Variants in LGR5 observed in about 807,000 individuals in gnomAD.
The protein encoded by LGR5 is leucine rich repeat containing G protein-coupled receptor 5, also known as leucine-rich repeat-containing G protein-coupled receptor 5.
A neutral mutation model predicts 76.7 loss-of-function variants in LGR5; 54 were observed. The observed-to-expected ratio is 0.70, with a 90% confidence interval of 0.57 to 0.88. LGR5 has a LOEUF of 0.88. Among genes scored for constraint, LGR5 ranks in the 40% least tolerant of loss-of-function variants. The probability of loss-of-function intolerance (pLI) is 0.00; values close to 1 mark genes in which losing one functional copy is unlikely to be tolerated. For synonymous variants in LGR5, 406 were observed against 421.9 expected, an observed-to-expected ratio of 0.96 and a Z score of 0.46; for missense variants, 1,078 against 1,073.3, an observed-to-expected ratio of 1.00 and a Z score of -0.06.
Position 71,580,348 on chromosome 12 carries a change from A to G in LGR5, c.1477A>G (p.Asn493Asp), listed in dbSNP as rs759497374. 1 of 1,613,966 alleles carries G rather than the reference A, an allele frequency of 6.2e-7. No homozygotes were observed. The highest frequency in any genetic ancestry group is 8.5e-7 in the Non-Finnish European group (1 of 1,179,838). ...GTGTGAGAATGCCTATAAGATTTCTAATCAATGGAATAAAGGTGACAACAG... is the reference window on the plus strand; with the variant it reads ...GTGTGAGAATGCCTATAAGATTTCTGATCAATGGAATAAAGGTGACAACAG... The part of the protein sequence containing the change: ...GVCENAYKIS[N>D]QWNKGDNSSM... The change falls in exon 16 of 18, where the codon AAT (asparagine) becomes GAT (aspartate). Residue 493 changes from asparagine to aspartate, a missense_variant. Physicochemically the swap from Asn to Asp is conservative, Grantham distance 23 (BLOSUM62 1). Transcript: ENST00000266674.
chr12:71,447,395 G>T (rs1592449768), intron 1 of LGR5, among the ~76,000 whole-genome samples: 1 of 152,146 alleles, frequency 6.6e-6, no homozygotes, highest in East Asian at 1.9e-4. Context: ...ATCATTTATT[G>T]TATTACAAAG....
chr12:71,486,917 T>C (rs1426334087), intron 1 of LGR5, among the ~76,000 whole-genome samples: 1 of 152,206 alleles, frequency 6.6e-6, no homozygotes, highest in Non-Finnish European at 1.5e-5. Flanking sequence ...GGCTCCTTTA[T>C]GAGGGCCACT....
intron 1 of LGR5, among the ~76,000 whole-genome samples, chr12:71,497,322 AAAAG>A (rs1475362696): frequency 1.3e-5 from 2 of 151,568 alleles, no homozygotes; most frequent in South Asian, 2.1e-4. Context: ...TTGAAAGAAG[AAAAG>A]AAAGAAAGAG....
chr12:71,568,384 T>C (rs560932833), intron 11 of LGR5, among the ~76,000 whole-genome samples: 160 of 152,240 alleles, frequency 1.1e-3, no homozygotes, highest in Non-Finnish European at 2.0e-3. Context: ...CTTCAGAGGG[T>C]TCTCATGAGG....
intron 4 of LGR5, among the ~76,000 whole-genome samples, chr12:71,546,271 G>A (rs1278975981): frequency 6.6e-6 from 1 of 151,304 alleles, no homozygotes; most frequent in Non-Finnish European, 1.5e-5. Flanking sequence ...GCCAAGATTG[G>A]ACCACTGCAC....
chr12:71,536,120 T>A (rs1285402089), intron 4 of LGR5, among the ~76,000 whole-genome samples: 1 of 152,190 alleles, frequency 6.6e-6, no homozygotes, highest in Non-Finnish European at 1.5e-5. Flanking sequence ...GATGCACATC[T>A]GCCAAACAAA....
chr12:71,493,757 T>G lies in LGR5; in HGVS notation c.213-10857T>G, dbSNP rs569828998. On this transcript the variant is annotated intron_variant, in intron 1 of 17. Coordinates refer to ENST00000266674, the MANE Select transcript of LGR5 (RefSeq NM_003667.4). ...AAGCTTTTCAGTTGTCTTATTTGAT[T>G]TTAGTAAATAAGCTTTTTTTTTTTT... Among the ~76,000 whole-genome samples the G allele has an allele frequency of 4.9e-4, 71 of 143,886 alleles. 1 individual carries two copies. Among genetic ancestry groups the G allele is most frequent in the Admixed American group, 1.4e-3 (19 of 13,878 alleles). 94.4% of individuals were successfully genotyped at this position (143,886 alleles called of 152,430 possible).
chr12:71,545,461 A>C (rs1877108497), intron 4 of LGR5, among the ~76,000 whole-genome samples: 1 of 152,178 alleles, frequency 6.6e-6, no homozygotes, highest in African/African-American at 2.4e-5. Context: ...CAAAAAAATA[A>C]ATAAATAAAA....
chr12:71,513,641 TA>T (rs141435331), intron 2 of LGR5, among the ~76,000 whole-genome samples: 7,446 of 152,274 alleles, frequency 0.049, 229 homozygotes, highest in Middle Eastern at 0.11. Context: ...ATCATGCCCA[TA>T]AAGTACTGAA....
At chr12:71,480,247 C>A (rs1372936113) in intron 1 of LGR5, among the ~76,000 whole-genome samples, 3 of 151,724 alleles carry the variant, frequency 2.0e-5, no homozygotes, top group Non-Finnish European at 4.4e-5. Flanking sequence ...GCTTGTAATC[C>A]CAGCTGCTCG....
At chr12:71,582,425 A>C (rs1261758000) in intron 16 of LGR5, 31 bp from the exon 17 acceptor site, 4 of 1,593,148 alleles carry the variant, frequency 2.5e-6, no homozygotes, top group Non-Finnish European at 3.4e-6. Context: ...GAGAGTCAGA[A>C]CTAATCATTC....
chr12:71,462,606 C>T (rs534258530), intron 1 of LGR5, among the ~76,000 whole-genome samples: 79 of 152,218 alleles, frequency 5.2e-4, no homozygotes, highest in African/African-American at 1.7e-3. Flanking sequence ...TGGGAGTAAT[C>T]GTCTCACCCA....
rs181139706 is a variant in LGR5 at position 71,559,260 on chromosome 12, G to A, written c.717-326G>A. On this transcript the variant is annotated intron_variant, in intron 6 of 17. Transcript: ENST00000266674. ...CCGGTTCAGTTGAAGAGCTCCATCC[G>A]CCAGCCGTCAACACCTGGCCAAAGA... 3.8e-3 allele frequency among the ~76,000 whole-genome samples: 568 copies of A among 148,538 alleles called. 1 individual carries two copies. Among genetic ancestry groups the A allele is most frequent in the Non-Finnish European group, 5.7e-3 (388 of 67,546 alleles).
chr12:71,531,410 T>G (rs1876301506), intron 3 of LGR5, among the ~76,000 whole-genome samples: 1 of 152,238 alleles, frequency 6.6e-6, no homozygotes, highest in Non-Finnish European at 1.5e-5. Flanking sequence ...AAAGATAACT[T>G]GCTCTTGTTT....
intron 2 of LGR5, among the ~76,000 whole-genome samples, chr12:71,508,514 GGGAGGCCAAGGTGGGTGGATCATGA>G (rs1420267250): frequency 6.6e-6 from 1 of 151,978 alleles, no homozygotes; most frequent in East Asian, 1.9e-4. Context: ...CCAGCACTTT[GGGAGGCCAAGGTGGGTGGATCATGA>G]GGTCAAGAGA....
intron 1 of LGR5, among the ~76,000 whole-genome samples, chr12:71,493,886 G>A (rs1040764692): frequency 1.7e-4 from 25 of 147,916 alleles, no homozygotes; most frequent in Non-Finnish European, 3.4e-4. Flanking sequence ...CTCCCATCTC[G>A]GCCTATCAAG....
rs61147303 is a variant in LGR5, at chr12:71,537,242, G to C, written c.428+2056G>C. On this transcript the variant is annotated intron_variant, in intron 4 of 17. Coordinates refer to ENST00000266674, the MANE Select transcript of LGR5 (RefSeq NM_003667.4). ...GTTAAAGTGGGAGGATCACTTGGAG[G>C]CCAGGAGTTTGAGATCAGCTTGGGC... is the stretch of plus-strand genomic sequence containing the variant. Among the ~76,000 whole-genome samples, 14 of 150,914 alleles carry C rather than the reference G, an allele frequency of 9.3e-5. No homozygotes were observed. The South Asian group carries it at 1.9e-3, about 20-fold the overall frequency.
intron 4 of LGR5, among the ~76,000 whole-genome samples, chr12:71,545,519 C>G (rs1185952801): frequency 6.6e-6 from 1 of 151,986 alleles, no homozygotes; most frequent in Non-Finnish European, 1.5e-5. Context: ...AAATGCATTG[C>G]TTCATAACTC....
chr12:71,480,126 G>A (rs886266310), intron 1 of LGR5, among the ~76,000 whole-genome samples: 14 of 152,124 alleles, frequency 9.2e-5, no homozygotes, highest in Non-Finnish European at 2.1e-4. Context: ...CACTTTGGGA[G>A]ACCAAGGCGG....
Sources: gnomAD v4.1 joint callset for allele counts (sites outside exome capture counted in the v4.1 genomes callset) on GRCh38, gnomAD v4.1.1 for gene constraint, MANE v1.5 for transcripts, NCBI Gene and HGNC (gene_info 2026-07-23, HGNC 2026-07-21) for gene names.